The following CD163L1 variants were observed in gnomAD, a reference collection of about 807,000 sequenced individuals.
CD163L1 encodes the protein scavenger receptor cysteine-rich type 1 protein M160.
In CD163L1, 124 loss-of-function variants were observed where a neutral mutation model predicts 165.4. The observed-to-expected ratio is 0.75, with a 90% CI of 0.65 to 0.87. CD163L1 has a LOEUF of 0.87. Among genes scored for constraint, CD163L1 ranks in the 40% least tolerant of loss-of-function variants. The probability of loss-of-function intolerance (pLI) is 0.00; values close to 1 mark genes in which losing one functional copy is unlikely to be tolerated. For synonymous variants in CD163L1, 585 were observed against 662.2 expected, an observed-to-expected ratio of 0.88 and a Z score of 1.79; for missense variants, 1,525 against 1,799.9, an observed-to-expected ratio of 0.85 and a Z score of 2.76.
chr12:7,427,661 T>C (rs2136617937), intron 4 of CD163L1, among the ~76,000 whole-genome samples: 1 of 152,182 alleles, frequency 6.6e-6, no homozygotes, highest in East Asian at 1.9e-4. Flanking sequence ...AACAAACTCA[T>C]TTAAGGGCTT....
chr12:7,397,889 T>C (rs1244270406), intron 7 of CD163L1, among the ~76,000 whole-genome samples: 2 of 152,194 alleles, frequency 1.3e-5, no homozygotes, highest in Non-Finnish European at 2.9e-5. Context: ...TTTACTGATA[T>C]GAGCCCTAAG....
At chr12:7,444,007 C>T in intron 1 of CD163L1, 90 bp downstream of exon 1, 4 of 1,265,182 alleles carry the variant, frequency 3.2e-6, no homozygotes, top group Non-Finnish European at 4.5e-6. Context: ...TACCTTACTA[C>T]ATAATATTTA....
intron 14 of CD163L1, among the ~76,000 whole-genome samples, chr12:7,371,157 T>C (rs1481536067): frequency 6.6e-6 from 1 of 152,216 alleles, no homozygotes; most frequent in Non-Finnish European, 1.5e-5. Context: ...TCATTAGCCA[T>C]ATGGAACTGT....
At chr12:7,384,267 A>G (rs1947470301) in intron 8 of CD163L1, among the ~76,000 whole-genome samples, 1 of 152,066 alleles carries the variant, frequency 6.6e-6, no homozygotes. Flanking sequence ...ATTTTTTTTC[A>G]ATTAAAAAAC....
the CD163L1 span, chr12:7,323,236 A>G: frequency 1.2e-6 from 2 of 1,607,010 alleles, no homozygotes; most frequent in Admixed American, 3.4e-5. Context: ...CTCAATAGGG[A>G]ATGATTTGTG....
At chr12:7,409,778 TAAG>T (rs1266655159) in intron 4 of CD163L1, among the ~76,000 whole-genome samples, 5 of 152,206 alleles carry the variant, frequency 3.3e-5, no homozygotes, top group Non-Finnish European at 7.3e-5. Context: ...GTGACTGAAT[TAAG>T]ATTATCTGAG....
chr12:7,346,515 G>A (rs1946671367), downstream of CD163L1, among the ~76,000 whole-genome samples: 1 of 151,784 alleles, frequency 6.6e-6, no homozygotes, highest in East Asian at 1.9e-4. Context: ...TCCTGCCAAT[G>A]TTGTTTCATT....
At chr12:7,364,230 A>G (rs1404257847) in intron 18 of CD163L1, among the ~76,000 whole-genome samples, 3 of 152,150 alleles carry the variant, frequency 2.0e-5, no homozygotes, top group Non-Finnish European at 4.4e-5. Context: ...CATTCATAAA[A>G]TTCAACATCG....
chr12:7,422,596 A>G (rs913920906), intron 4 of CD163L1, among the ~76,000 whole-genome samples: 1 of 151,410 alleles, frequency 6.6e-6, no homozygotes, highest in Non-Finnish European at 1.5e-5. Context: ...AGAACATAAT[A>G]TGCTTTTCAT....
intron 18 of CD163L1, among the ~76,000 whole-genome samples, chr12:7,364,266 C>T (rs1020711490): frequency 2.0e-5 from 3 of 152,102 alleles, no homozygotes; most frequent in African/African-American, 7.2e-5. Context: ...CCTCAACATA[C>T]TGGGTATAGA....
the CD163L1 span, among the ~76,000 whole-genome samples, chr12:7,335,696 G>T: frequency 3.9e-5 from 6 of 152,178 alleles, no homozygotes; most frequent in Non-Finnish European, 7.4e-5. Context: ...CACAGCAAAA[G>T]AAACTACCAT....
At chr12:7,420,984 GGTATATATATACATATATATATATACGT>G (rs1306901301) in intron 4 of CD163L1, among the ~76,000 whole-genome samples, 4 of 101,546 alleles carry the variant, frequency 3.9e-5, no homozygotes, top group Non-Finnish European at 5.4e-5. Context: ...AAGAAATTGT[GGTATATATATACATATATATATATACGT>G]GTATATATAT....
In CD163L1 at chr12:7,374,672, A is replaced by G; in HGVS notation, c.3179T>C (p.Ile1060Thr). 4 of 1,614,186 alleles carry G rather than the reference A, an allele frequency of 2.5e-6. No individual in the cohort carries two copies. The highest frequency in any genetic ancestry group is 3.4e-6 in the Non-Finnish European group (4 of 1,180,024). The stretch of plus-strand genomic sequence containing the variant: ...GCTCAGGTCCCAGCCGTCATCACAG[A>G]TGGTGCCCCAGAAGCCGTCGTGATA... ...EIYHDGFWGT[I>T]CDDGWDLSDA... Residue 1060 changes from isoleucine to threonine, a missense_variant, in exon 13 of 20, where the codon ATC becomes ACC. Ile to Thr is a moderately conservative substitution (Grantham distance 89). Coordinates refer to ENST00000313599, the MANE Select transcript of CD163L1 (RefSeq NM_174941.6). This position sits in a 1 kb window ranked among gnomAD's most constrained non-coding sequence, Gnocchi z 5.4.
chr12:7,442,092 A>T (rs1407420195), intron 1 of CD163L1, among the ~76,000 whole-genome samples: 3 of 152,256 alleles, frequency 2.0e-5, no homozygotes, highest in Non-Finnish European at 4.4e-5. Context: ...TTTTAAAAGC[A>T]GATGGGATGA....
At chr12:7,330,818 C>A in the CD163L1 span, among the ~76,000 whole-genome samples, 1 of 152,104 alleles carries the variant, frequency 6.6e-6, no homozygotes, top group African/African-American at 2.4e-5. Flanking sequence ...GGTCAGTTTC[C>A]TTTTAGAACT....
chr12:7,326,978 G>A, the CD163L1 span: 1 of 1,600,490 alleles, frequency 6.2e-7, no homozygotes, highest in Non-Finnish European at 8.5e-7. Context: ...TGTTGCAGGT[G>A]GTGAAAGCTT....
chr12:7,319,964 C>T, the CD163L1 span, among the ~76,000 whole-genome samples: 1 of 152,216 alleles, frequency 6.6e-6, no homozygotes, highest in African/African-American at 2.4e-5. Flanking sequence ...TAATTAGACT[C>T]TGCGGAGCAG....
At chr12:7,437,183 ATTTTTATTTTAATAGTATTACT>A (rs1349147477) in intron 2 of CD163L1, among the ~76,000 whole-genome samples, 1 of 45,722 alleles carries the variant, frequency 2.2e-5, no homozygotes, top group African/African-American at 9.3e-5. Flanking sequence ...TATTACTTTT[ATTTTTATTTTAATAGTATTACT>A]TTTTTATTTT....
At chr12:7,328,892 T>C in the CD163L1 span, among the ~76,000 whole-genome samples, 2 of 150,656 alleles carry the variant, frequency 1.3e-5, no homozygotes, top group African/African-American at 2.4e-5. Flanking sequence ...TCTGAATGTA[T>C]ACATCTGTAT....
Sources: gnomAD v4.1 joint callset for allele counts (sites outside exome capture counted in the v4.1 genomes callset) on GRCh38, gnomAD v4.1.1 for gene constraint, Gnocchi (gnomAD v3.1) non-coding constraint, MANE v1.5 for transcripts, NCBI Gene and HGNC (gene_info 2026-07-23, HGNC 2026-07-21) for gene names.